Variants in NTNG2 observed in about 807,000 individuals in gnomAD.
NTNG2 encodes the protein netrin-G2.
In NTNG2, 15 loss-of-function variants were observed where a neutral mutation model predicts 47.6. The observed-to-expected ratio is 0.32, with a 90% CI of 0.21 to 0.49. The LOEUF (loss-of-function observed/expected upper bound fraction) is 0.49. Ranked by LOEUF, NTNG2 falls within the 20% of genes least tolerant of loss-of-function variation. NTNG2 has a pLI of 0.99. For missense variants in NTNG2, 578 were observed against 764.6 expected, an observed-to-expected ratio of 0.76 and a Z score of 2.88; for synonymous variants, 307 against 324.6, an observed-to-expected ratio of 0.95 and a Z score of 0.58.
intron 7 of NTNG2, 140 bp downstream of exon 7, chr9:132,241,184 T>G (rs1214860363): frequency 2.3e-4 from 76 of 336,600 alleles, no homozygotes; most frequent in Admixed American, 1.2e-3. Flanking sequence ...GGGAAGTGGG[T>G]GGGGCCTAGT....
chr9:132,241,210 C>CGGT (rs978842037), intron 7 of NTNG2, among the ~76,000 whole-genome samples, 166 bp downstream of exon 7: 29 of 76,256 alleles, frequency 3.8e-4, no homozygotes, highest in Non-Finnish European at 1.3e-4. Context: ...GGGGAAGAGG[C>CGGT]GGTGGGCGGG....
Position 132,182,903 on chromosome 9 carries a change from C to T in NTNG2, c.214-15063C>T, listed in dbSNP as rs530567269. Among the ~76,000 whole-genome samples the T allele has an allele frequency of 3.3e-4, 50 of 152,206 alleles. No homozygotes were observed. The highest frequency in any genetic ancestry group is 1.1e-3 in the African/African-American group (46 of 41,526). ...TTCCCCCCCTGCCGCAGCTGCCCCC[C>T]AGACCAGCTTCAGCAGCCTCTCTGG... is the stretch of plus-strand genomic sequence containing the variant. On this transcript the variant is annotated intron_variant, in intron 2 of 7. Coordinates refer to ENST00000393229, the MANE Select transcript of NTNG2 (RefSeq NM_032536.4). The surrounding 1 kb of genome is among the most constrained non-coding windows in gnomAD (Gnocchi z 4.2).
intron 2 of NTNG2, among the ~76,000 whole-genome samples, chr9:132,194,986 T>C (rs1206103884): frequency 7.2e-5 from 11 of 152,222 alleles, no homozygotes; most frequent in Non-Finnish European, 5.9e-5. Flanking sequence ...TTAACTTAGA[T>C]CCAAGCCATT....
At chr9:132,174,238 C>T (rs770562092) in intron 2 of NTNG2, among the ~76,000 whole-genome samples, 1 of 134,698 alleles carries the variant, frequency 7.4e-6, no homozygotes, top group African/African-American at 2.8e-5. Context: ...ACAGGCAGGC[C>T]GCACCATGCT....
chr9:132,186,830 C>T (rs925531680), intron 2 of NTNG2, among the ~76,000 whole-genome samples: 1 of 152,250 alleles, frequency 6.6e-6, no homozygotes, highest in African/African-American at 2.4e-5. Flanking sequence ...GGTCCTCGCT[C>T]AGTTAGGGAA....
chr9:132,195,888 C>A (rs998792814), intron 2 of NTNG2, among the ~76,000 whole-genome samples: 1 of 151,768 alleles, frequency 6.6e-6, no homozygotes, highest in East Asian at 1.9e-4. Flanking sequence ...CACTTCTGCC[C>A]CCCGAGTAGC....
intron 2 of NTNG2, among the ~76,000 whole-genome samples, chr9:132,177,959 A>G (rs1034398168): frequency 1.3e-5 from 2 of 152,168 alleles, no homozygotes; most frequent in Non-Finnish European, 2.9e-5. Flanking sequence ...GCCTGGCCTC[A>G]AATCTATTCC....
In NTNG2 at chr9:132,195,474, ATTTTTTTTTT is replaced by A. The variant is rs56733654; in HGVS notation, c.214-2475_214-2466del. Among the ~76,000 whole-genome samples, 183 of 80,134 alleles carry A rather than the reference ATTTTTTTTTT, an allele frequency of 2.3e-3. No homozygotes were observed. In the Middle Eastern group the frequency reaches 0.023, roughly 10 times the overall value. 52.6% of individuals were successfully genotyped at this position (80,134 alleles called of 152,430 possible). On this transcript the variant is annotated intron_variant, in intron 2 of 7. Coordinates refer to ENST00000393229, the MANE Select transcript of NTNG2 (RefSeq NM_032536.4). ...CAGGCGCCCACCACCACGCCTGGCT[ATTTTTTTTTT>A]TTTTTTTTTTTTTTTTGTATTTTTA...
intron 3 of NTNG2, among the ~76,000 whole-genome samples, chr9:132,204,789 G>A (rs1180650602): frequency 6.6e-6 from 1 of 152,098 alleles, no homozygotes; most frequent in Non-Finnish European, 1.5e-5. Context: ...AGATATAGAT[G>A]GAAGGGCTGG....
intron 6 of NTNG2, chr9:132,240,690 G>A: frequency 4.7e-6 from 3 of 635,768 alleles, no homozygotes; most frequent in Non-Finnish European, 5.4e-6. Context: ...GGGCTGGGAC[G>A]TGTTTGATCC....
chr9:132,195,087 G>GT (rs1838177447), intron 2 of NTNG2, among the ~76,000 whole-genome samples: 1 of 152,182 alleles, frequency 6.6e-6, no homozygotes, highest in Non-Finnish European at 1.5e-5. Context: ...GACAGTGTTC[G>GT]TTTTTTTCTT....
chr9:132,229,206 G>C (rs995606850), intron 4 of NTNG2, among the ~76,000 whole-genome samples: 1 of 152,054 alleles, frequency 6.6e-6, no homozygotes, highest in African/African-American at 2.4e-5. Flanking sequence ...CAGCACCCAA[G>C]TCTCCTGCCT....
At chr9:132,213,359 AAAG>A (rs1839746568) in intron 3 of NTNG2, among the ~76,000 whole-genome samples, 2 of 140,200 alleles carry the variant, frequency 1.4e-5, no homozygotes, top group Non-Finnish European at 3.1e-5. Flanking sequence ...AAAAAAAAAA[AAAG>A]AAGGACTTGA....
At chr9:132,207,446 G>A (rs929458641) in intron 3 of NTNG2, among the ~76,000 whole-genome samples, 9 of 152,186 alleles carry the variant, frequency 5.9e-5, no homozygotes, top group Non-Finnish European at 1.2e-4. Flanking sequence ...CTTGTCTTGC[G>A]GCTGTCCGCT....
chr9:132,181,440 C>A (rs915723629), intron 2 of NTNG2, among the ~76,000 whole-genome samples: 1 of 152,028 alleles, frequency 6.6e-6, no homozygotes, highest in African/African-American at 2.4e-5. Context: ...CCTTCCTCAG[C>A]CTCCCAAGTA....
chr9:132,177,760 C>T (rs932864462), intron 2 of NTNG2, among the ~76,000 whole-genome samples: 2 of 152,186 alleles, frequency 1.3e-5, no homozygotes, highest in East Asian at 1.9e-4. Flanking sequence ...CGGGTTCAAG[C>T]GATTCTCCTG....
At chr9:132,165,784 A>G (rs1835465941) in intron 1 of NTNG2, among the ~76,000 whole-genome samples, 1 of 152,052 alleles carries the variant, frequency 6.6e-6, no homozygotes, top group African/African-American at 2.4e-5. Context: ...CTGAACTAAC[A>G]CTCCCATAAA....
At chr9:132,178,524 T>C (rs1836657263) in intron 2 of NTNG2, among the ~76,000 whole-genome samples, 2 of 152,014 alleles carry the variant, frequency 1.3e-5, no homozygotes, top group African/African-American at 2.4e-5. Context: ...TACAGTGAAA[T>C]TGACTGCGCC....
intron 2 of NTNG2, among the ~76,000 whole-genome samples, chr9:132,174,463 C>T (rs1394968724): frequency 1.3e-5 from 2 of 152,324 alleles, no homozygotes; most frequent in South Asian, 2.1e-4. Flanking sequence ...GCATCCCGCA[C>T]TTCTGGGATG....
Sources: allele counts gnomAD v4.1 joint callset (sites outside exome capture counted in the v4.1 genomes callset), GRCh38; gene constraint gnomAD v4.1.1; non-coding constraint Gnocchi (gnomAD v3.1); transcripts MANE v1.5; gene names NCBI Gene and HGNC (gene_info 2026-07-23, HGNC 2026-07-21).